The following NKAIN3 variants were observed in gnomAD, a reference collection of about 807,000 sequenced individuals.
NKAIN3 encodes sodium/potassium transporting ATPase interacting 3.
In NKAIN3, 25 loss-of-function variants were observed where a neutral mutation model predicts 30.2. The observed-to-expected ratio is 0.83, with a 90% CI of 0.60 to 1.16. The LOEUF (loss-of-function observed/expected upper bound fraction) is 1.16, where lower values mean the gene tolerates loss of function less well. Among genes scored for constraint, NKAIN3 ranks in the 50% most tolerant of loss-of-function variants. NKAIN3 has a pLI of 0.00. For synonymous variants in NKAIN3, 91 were observed against 89.6 expected, an observed-to-expected ratio of 1.02 and a Z score of -0.09; for missense variants, 225 against 254.1, an observed-to-expected ratio of 0.89 and a Z score of 0.78.
intron 1 of NKAIN3, chr8:62,482,505 T>A (rs575095595): frequency 6.6e-6 from 1 of 152,184 alleles, no homozygotes; most frequent in South Asian, 2.1e-4. Context: ...AGTTGAAGAG[T>A]GAGCTCAGTG....
At chr8:62,401,241 A>C (rs1011235143) in intron 1 of NKAIN3, among the ~76,000 whole-genome samples, 2 of 152,056 alleles carry the variant, frequency 1.3e-5, no homozygotes, top group Non-Finnish European at 1.5e-5. Flanking sequence ...GCAGTGAGTC[A>C]ATTGCATTTT....
chr8:62,486,274 C>T (rs1806898955), intron 1 of NKAIN3, among the ~76,000 whole-genome samples: 1 of 151,940 alleles, frequency 6.6e-6, no homozygotes, highest in Admixed American at 6.6e-5. Flanking sequence ...ATAAGGCAGG[C>T]CGGTATCAGA....
intron 3 of NKAIN3, among the ~76,000 whole-genome samples, chr8:62,707,581 T>A (rs571717322): frequency 6.6e-6 from 1 of 152,298 alleles, no homozygotes; most frequent in South Asian, 2.1e-4. Flanking sequence ...TCTTTGTTTT[T>A]TTCTTACTGA....
At chr8:62,348,487 C>A (rs1327263104) in intron 1 of NKAIN3, among the ~76,000 whole-genome samples, 4 of 152,250 alleles carry the variant, frequency 2.6e-5, no homozygotes, top group Non-Finnish European at 5.9e-5. Flanking sequence ...ACATGTGTAA[C>A]AACATTAAGG....
chr8:62,307,103 C>T (rs1316144163), intron 1 of NKAIN3, among the ~76,000 whole-genome samples: 1 of 149,754 alleles, frequency 6.7e-6, no homozygotes, highest in Admixed American at 6.6e-5. Context: ...AGGGGGCTGC[C>T]CTGGTGAATC....
At chr8:62,830,438 A>G (rs998131413) in intron 4 of NKAIN3, among the ~76,000 whole-genome samples, 1 of 152,202 alleles carries the variant, frequency 6.6e-6, no homozygotes, top group Non-Finnish European at 1.5e-5. Flanking sequence ...TAACCAAGGG[A>G]CTGAATAATA....
intron 4 of NKAIN3, among the ~76,000 whole-genome samples, chr8:62,837,557 C>T (rs1303758608): frequency 6.6e-6 from 1 of 152,108 alleles, no homozygotes; most frequent in Non-Finnish European, 1.5e-5. Flanking sequence ...ACACATCGTG[C>T]CAGTTCTGAT....
chr8:62,578,604 G>A (rs1337568011), intron 1 of NKAIN3, among the ~76,000 whole-genome samples: 4 of 151,990 alleles, frequency 2.6e-5, no homozygotes, highest in Non-Finnish European at 5.9e-5. Context: ...GACAAGATTT[G>A]GCTAACGTAT....
intron 3 of NKAIN3, among the ~76,000 whole-genome samples, chr8:62,611,192 A>G (rs1270914397): frequency 6.6e-6 from 1 of 152,144 alleles, no homozygotes. Context: ...TTATGGGTAT[A>G]TAGTAGCTGT....
intron 1 of NKAIN3, among the ~76,000 whole-genome samples, chr8:62,369,781 T>C (rs565497026): frequency 1.1e-4 from 17 of 152,018 alleles, no homozygotes; most frequent in African/African-American, 4.1e-4. Flanking sequence ...TTTAAGAGAA[T>C]TGTAACTATA....
chr8:62,295,579 A>G (rs1025841214), intron 1 of NKAIN3, among the ~76,000 whole-genome samples: 4 of 152,186 alleles, frequency 2.6e-5, no homozygotes, highest in African/African-American at 9.6e-5. Context: ...TTATTTATAT[A>G]TATGTAGTAT....
chr8:62,499,801 A>G (rs968704254), intron 1 of NKAIN3, among the ~76,000 whole-genome samples: 3 of 133,294 alleles, frequency 2.3e-5, no homozygotes, highest in Non-Finnish European at 5.0e-5. Flanking sequence ...GAAAGCTGTG[A>G]TCAGGTTTGT....
At chr8:62,512,657 T>C (rs533545857) in intron 1 of NKAIN3, among the ~76,000 whole-genome samples, 3 of 152,264 alleles carry the variant, frequency 2.0e-5, no homozygotes, top group South Asian at 2.1e-4. Context: ...TTGAACACTT[T>C]CATGGACCCA....
intron 1 of NKAIN3, among the ~76,000 whole-genome samples, chr8:62,414,438 T>C (rs1205771456): frequency 2.0e-5 from 3 of 152,214 alleles, no homozygotes; most frequent in African/African-American, 7.2e-5. Context: ...GTTCTTTTGA[T>C]GCTTTGTTTT....
intron 1 of NKAIN3, among the ~76,000 whole-genome samples, chr8:62,406,772 T>C (rs1804084307): frequency 6.6e-6 from 1 of 152,180 alleles, no homozygotes; most frequent in Admixed American, 6.5e-5. Flanking sequence ...TGTCTCTAAC[T>C]CTGCATCTGA....
chr8:62,960,230 T>A (rs1771179732), intron 6 of NKAIN3, among the ~76,000 whole-genome samples: 1 of 152,232 alleles, frequency 6.6e-6, no homozygotes, highest in Admixed American at 6.5e-5. Flanking sequence ...GGGTTTGCTG[T>A]GACCAGTGGC....
At chr8:62,540,090 C>A (rs943344770) in intron 1 of NKAIN3, among the ~76,000 whole-genome samples, 7 of 152,146 alleles carry the variant, frequency 4.6e-5, no homozygotes, top group Non-Finnish European at 7.4e-5. Context: ...ATTTAACAAT[C>A]ATTTAGTTCA....
At chr8:62,950,582 A>C (rs1823254214) in intron 5 of NKAIN3, among the ~76,000 whole-genome samples, 1 of 152,182 alleles carries the variant, frequency 6.6e-6, no homozygotes, top group Non-Finnish European at 1.5e-5. Flanking sequence ...ACATCATGCT[A>C]GGTTTCTGAT....
chr8:62,821,173 C>G (rs1174910696), intron 4 of NKAIN3, among the ~76,000 whole-genome samples: 2 of 152,040 alleles, frequency 1.3e-5, no homozygotes, highest in African/African-American at 4.8e-5. Flanking sequence ...GTAAATGTTT[C>G]CTTTTATTTT....
Sources: gnomAD v4.1 joint callset for allele counts (sites outside exome capture counted in the v4.1 genomes callset) on GRCh38, gnomAD v4.1.1 for gene constraint, MANE v1.5 for transcripts, NCBI Gene and HGNC (gene_info 2026-07-23, HGNC 2026-07-21) for gene names.